The following THRB variants were observed in gnomAD, a reference collection of about 807,000 sequenced individuals.
The protein encoded by THRB is nuclear receptor subfamily 1 group A member 2.
In THRB, 12 loss-of-function variants were observed where a neutral mutation model predicts 47.8. The observed-to-expected ratio is 0.25, with a 90% confidence interval of 0.16 to 0.41. The LOEUF (loss-of-function observed/expected upper bound fraction) is 0.41, where lower values mean the gene tolerates loss of function less well. Ranked by LOEUF, THRB falls within the 10% of genes least tolerant of loss-of-function variation. The pLI is 1.00. For missense variants in THRB, 348 were observed against 589.2 expected, an observed-to-expected ratio of 0.59 and a Z score of 4.24; for synonymous variants, 218 against 212.2, an observed-to-expected ratio of 1.03 and a Z score of -0.24.
At chr3:24,251,449 A>G (rs2044754) in intron 3 of THRB, among the ~76,000 whole-genome samples, 20,440 of 152,094 alleles carry the variant, frequency 0.13, 1,522 homozygotes, top group African/African-American at 0.19. Context: ...CTAGCAGTTA[A>G]CCTAGTGGAG....
intron 1 of THRB, among the ~76,000 whole-genome samples, chr3:24,411,935 A>G (rs1056917313): frequency 6.6e-6 from 1 of 151,836 alleles, no homozygotes; most frequent in African/African-American, 2.4e-5. Flanking sequence ...TGAGGGAGAA[A>G]GAAATCAGCA....
chr3:24,396,437 G>T (rs1393647389), intron 1 of THRB, among the ~76,000 whole-genome samples: 1 of 152,092 alleles, frequency 6.6e-6, no homozygotes. Flanking sequence ...CACTCTGTGG[G>T]TGTTTCTGCC....
chr3:24,255,885 A>G (rs1576344331), intron 3 of THRB, among the ~76,000 whole-genome samples: 1 of 152,194 alleles, frequency 6.6e-6, no homozygotes, highest in African/African-American at 2.4e-5. Flanking sequence ...CATTTCAAAA[A>G]CCACTGTATC....
At chr3:24,296,369 T>C (rs1393158738) in intron 3 of THRB, among the ~76,000 whole-genome samples, 1 of 152,228 alleles carries the variant, frequency 6.6e-6, no homozygotes, top group Non-Finnish European at 1.5e-5. Flanking sequence ...CGGCTTCGGT[T>C]AGAAGCTTGA....
At chr3:24,267,220 C>G (rs1479704632) in intron 3 of THRB, among the ~76,000 whole-genome samples, 1 of 99,878 alleles carries the variant, frequency 1.0e-5, no homozygotes, top group East Asian at 3.2e-4. Flanking sequence ...ATAAAATAGT[C>G]AGTGAAGAGG....
intron 1 of THRB, among the ~76,000 whole-genome samples, chr3:24,446,415 CA>C (rs2072077445): frequency 6.6e-6 from 1 of 151,950 alleles, no homozygotes; most frequent in Admixed American, 6.6e-5. Flanking sequence ...CTGGCCACAA[CA>C]AAAAAGAAAG....
In THRB at chr3:24,259,663, C is replaced by T. The variant is rs569315803; in HGVS notation, c.-42-30662G>A. On this transcript the variant is annotated intron_variant, in intron 3 of 10. Coordinates refer to ENST00000646209, the MANE Select transcript of THRB (RefSeq NM_001354712.2). ...TTTTTTAAGGAAAAAAGCTTAACTC[C>T]TAAAAGTTATTTCCCATATCAGAGA... is the stretch of plus-strand genomic sequence containing the variant. 6.0e-5 allele frequency among the ~76,000 whole-genome samples: 8 copies of T among 133,162 alleles called. No homozygotes were observed. In the South Asian group the frequency reaches 1.8e-3, roughly 29 times the overall value. The allele number at this position is 133,162 out of a possible 152,430, so 87.4% of individuals were successfully genotyped here. A position where few individuals can be genotyped will look rare whatever the true frequency, so the allele number is the denominator to read the frequency against.
At chr3:24,433,344 A>G (rs1348890406) in intron 1 of THRB, among the ~76,000 whole-genome samples, 1 of 152,100 alleles carries the variant, frequency 6.6e-6, no homozygotes, top group Non-Finnish European at 1.5e-5. Flanking sequence ...ATTCCTTATA[A>G]AAAGGATGCA....
chr3:24,375,128 TA>T (rs1045269213), intron 1 of THRB, among the ~76,000 whole-genome samples: 12 of 151,386 alleles, frequency 7.9e-5, no homozygotes, highest in Admixed American at 5.9e-4. Flanking sequence ...ACTGACGATT[TA>T]AAAAAAGAGA....
chr3:24,219,123 A>T (rs2046912458), intron 4 of THRB, among the ~76,000 whole-genome samples: 1 of 151,822 alleles, frequency 6.6e-6, no homozygotes, highest in African/African-American at 2.4e-5. Context: ...TAATAATAAA[A>T]ACATTTAGCT....
At chr3:24,392,586 T>C (rs1473662509) in intron 1 of THRB, among the ~76,000 whole-genome samples, 1 of 152,152 alleles carries the variant, frequency 6.6e-6, no homozygotes, top group African/African-American at 2.4e-5. Context: ...CAAATTACTC[T>C]TCATGGATTC....
intron 2 of THRB, among the ~76,000 whole-genome samples, chr3:24,308,325 T>G (rs1205311409): frequency 3.3e-5 from 5 of 152,320 alleles, no homozygotes; most frequent in Admixed American, 2.0e-4. Flanking sequence ...GCTTTAAAAT[T>G]TGGAATTCTA....
chr3:24,231,153 T>A (rs1212892556), intron 3 of THRB, among the ~76,000 whole-genome samples: 1 of 152,238 alleles, frequency 6.6e-6, no homozygotes, highest in East Asian at 1.9e-4. Flanking sequence ...GACTTAGGTT[T>A]CTGTCACTTG....
At chr3:24,448,097 C>A (rs1054829352) in intron 1 of THRB, among the ~76,000 whole-genome samples, 1 of 151,882 alleles carries the variant, frequency 6.6e-6, no homozygotes, top group African/African-American at 2.4e-5. Flanking sequence ...TGGGTGACAA[C>A]TGAATTATGA....
intron 4 of THRB, among the ~76,000 whole-genome samples, chr3:24,219,507 G>C (rs376462077): frequency 6.2e-4 from 95 of 152,244 alleles, no homozygotes; most frequent in African/African-American, 1.8e-3. Flanking sequence ...GATGTTCACT[G>C]GTCAAATGCA....
chr3:24,358,249 G>T (rs974126799), intron 1 of THRB, among the ~76,000 whole-genome samples: 2 of 152,044 alleles, frequency 1.3e-5, no homozygotes, highest in Non-Finnish European at 1.5e-5. Flanking sequence ...ATCTGACTTT[G>T]TTGATGGCAT....
chr3:24,395,256 A>G (rs558443772), intron 1 of THRB, among the ~76,000 whole-genome samples: 1 of 152,252 alleles, frequency 6.6e-6, no homozygotes, highest in South Asian at 2.1e-4. Flanking sequence ...AGCAACAAAG[A>G]AAATATAAAA....
At chr3:24,465,204 T>C (rs2074036972) in intron 1 of THRB, among the ~76,000 whole-genome samples, 1 of 152,222 alleles carries the variant, frequency 6.6e-6, no homozygotes, top group Non-Finnish European at 1.5e-5. Flanking sequence ...TTTTAGCTAG[T>C]ATGGGATTTT....
At chr3:24,480,757 T>C (rs1282447529) in intron 1 of THRB, among the ~76,000 whole-genome samples, 1 of 152,148 alleles carries the variant, frequency 6.6e-6, no homozygotes, top group Non-Finnish European at 1.5e-5. Flanking sequence ...AATTGTATAA[T>C]AAAATCCCTT....
Sources: gnomAD v4.1 joint callset for allele counts (sites outside exome capture counted in the v4.1 genomes callset) on GRCh38, gnomAD v4.1.1 for gene constraint, MANE v1.5 for transcripts, NCBI Gene and HGNC (gene_info 2026-07-23, HGNC 2026-07-21) for gene names.